The following IQCJ variants were observed in gnomAD, a reference collection of about 807,000 sequenced individuals.
The protein encoded by IQCJ is IQ motif containing J, also known as IQ domain-containing protein J.
A neutral mutation model predicts 11.0 loss-of-function variants in IQCJ; 9 were observed. That is an observed-to-expected ratio of 0.82 (90% CI 0.49 to 1.43). The LOEUF is 1.43. IQCJ is among the 40% of genes most tolerant of loss of function. The pLI is 0.00. For synonymous variants in IQCJ, 55 were observed against 51.3 expected (o/e 1.07, Z -0.31); for missense variants, 146 against 133.2 (o/e 1.10, Z -0.47).
chr3:159,196,047 T>C (rs899144636), intron 1 of IQCJ, among the ~76,000 whole-genome samples: 14 of 152,158 alleles, frequency 9.2e-5, no homozygotes, highest in African/African-American at 3.4e-4. Flanking sequence ...GTGTGGCAAA[T>C]AGTGATATAA....
intron 2 of IQCJ, among the ~76,000 whole-genome samples, chr3:159,247,544 A>G (rs1461875868): frequency 1.3e-5 from 2 of 152,198 alleles, no homozygotes; most frequent in Non-Finnish European, 2.9e-5. Flanking sequence ...GAGATGGGAA[A>G]ACCCAGCAAG....
At chr3:159,101,225 G>T (rs956313541) in intron 1 of IQCJ, among the ~76,000 whole-genome samples, 3 of 148,070 alleles carry the variant, frequency 2.0e-5, no homozygotes, top group South Asian at 2.2e-4. Context: ...CCCTGCTTCG[G>T]CTCGCGCACG....
At chr3:159,226,648 TG>T (rs1368230858) in intron 1 of IQCJ, among the ~76,000 whole-genome samples, 2 of 152,122 alleles carry the variant, frequency 1.3e-5, no homozygotes, top group African/African-American at 4.8e-5. Flanking sequence ...GTTTTAGAAA[TG>T]GGTAAGACTA....
At chr3:159,138,389 C>A (rs1179353945) in intron 1 of IQCJ, among the ~76,000 whole-genome samples, 1 of 152,114 alleles carries the variant, frequency 6.6e-6, no homozygotes, top group African/African-American at 2.4e-5. Flanking sequence ...CTTTTCATAG[C>A]TAAAAAAACC....
chr3:159,252,720 T>C lies in IQCJ; in HGVS notation c.75-7T>C. 6.2e-7 allele frequency: 1 copy of C among 1,610,332 alleles called. No individual in the cohort carries two copies. The highest frequency in any genetic ancestry group is 8.5e-7 in the Non-Finnish European group (1 of 1,178,130). On this transcript the variant is annotated splice_polypyrimidine_tract_variant and splice_region_variant and intron_variant, in intron 2 of 3. Transcript: ENST00000397832. The stretch of plus-strand genomic sequence containing the variant: ...GGGAGATATTGAGACATTATTTCTG[T>C]TTCTAGTCACCAGCTGGCCATGGAT...
chr3:159,101,556 G>A (rs1453216740), intron 1 of IQCJ, among the ~76,000 whole-genome samples: 3 of 152,176 alleles, frequency 2.0e-5, no homozygotes, highest in African/African-American at 4.8e-5. Context: ...TCATTATAAC[G>A]GCAACCTTCT....
chr3:159,107,033 C>T (rs1022790813), intron 1 of IQCJ, among the ~76,000 whole-genome samples: 5 of 152,144 alleles, frequency 3.3e-5, no homozygotes, highest in African/African-American at 1.2e-4. Context: ...CAAATTATGA[C>T]CCCTACTTTT....
intron 1 of IQCJ, among the ~76,000 whole-genome samples, chr3:159,093,707 C>T (rs567864571): frequency 4.6e-5 from 7 of 151,926 alleles, no homozygotes; most frequent in East Asian, 3.9e-4. Context: ...TGCATGGCTG[C>T]GGAGGCCTCA....
At chr3:159,203,060 G>A (rs1276425474) in intron 1 of IQCJ, among the ~76,000 whole-genome samples, 1 of 151,804 alleles carries the variant, frequency 6.6e-6, no homozygotes, top group Non-Finnish European at 1.5e-5. Context: ...AGTGGATCTA[G>A]CATTCTTGGA....
chr3:159,170,399 C>A (rs1226785411), intron 1 of IQCJ, among the ~76,000 whole-genome samples: 3 of 152,100 alleles, frequency 2.0e-5, no homozygotes, highest in African/African-American at 7.2e-5. Flanking sequence ...GCTAGAATAA[C>A]AATTTATGTA....
intron 1 of IQCJ, among the ~76,000 whole-genome samples, chr3:159,115,375 A>G (rs1338419714): frequency 6.6e-6 from 1 of 152,182 alleles, no homozygotes; most frequent in Non-Finnish European, 1.5e-5. Context: ...TACAAGTGGT[A>G]TATCTAATTT....
chr3:159,147,597 TTTTC>T (rs1264041591), intron 1 of IQCJ, among the ~76,000 whole-genome samples: 4 of 152,278 alleles, frequency 2.6e-5, no homozygotes, highest in East Asian at 3.9e-4. Flanking sequence ...AGACCAACAA[TTTTC>T]TTTCTTTCTG....
chr3:159,127,282 T>C (rs749225316), intron 1 of IQCJ, among the ~76,000 whole-genome samples: 1 of 152,002 alleles, frequency 6.6e-6, no homozygotes, highest in Non-Finnish European at 1.5e-5. Context: ...GCAGAGGGAG[T>C]TGGGGAGGCA....
chr3:159,171,821 A>AC (rs1722497808), intron 1 of IQCJ, among the ~76,000 whole-genome samples: 1 of 152,084 alleles, frequency 6.6e-6, no homozygotes, highest in Non-Finnish European at 1.5e-5. Context: ...TCTGGGCCCC[A>AC]ACCCCAGAGG....
intron 1 of IQCJ, among the ~76,000 whole-genome samples, chr3:159,209,625 G>A (rs1199204706): frequency 1.3e-5 from 2 of 152,182 alleles, no homozygotes; most frequent in Non-Finnish European, 2.9e-5. Context: ...GCAACCACTA[G>A]ACACTGCTGT....
chr3:159,145,763 A>G (rs562086998), intron 1 of IQCJ, among the ~76,000 whole-genome samples: 102 of 152,314 alleles, frequency 6.7e-4, no homozygotes, highest in African/African-American at 2.3e-3. Context: ...GATACATTCA[A>G]TGAATATTAC....
At chr3:159,118,680 C>A (rs1719172260) in intron 1 of IQCJ, among the ~76,000 whole-genome samples, 1 of 152,202 alleles carries the variant, frequency 6.6e-6, no homozygotes, top group African/African-American at 2.4e-5. Context: ...ACCCCGACCT[C>A]AGCTTCTGTG....
At chr3:159,257,343 C>G (rs1727951921) in intron 3 of IQCJ, among the ~76,000 whole-genome samples, 1 of 152,178 alleles carries the variant, frequency 6.6e-6, no homozygotes, top group South Asian at 2.1e-4. Context: ...ATTTCTGAAG[C>G]ACCTTCTCAG....
chr3:159,134,205 A>T (rs1258595214), intron 1 of IQCJ, among the ~76,000 whole-genome samples: 1 of 152,096 alleles, frequency 6.6e-6, no homozygotes, highest in Non-Finnish European at 1.5e-5. Flanking sequence ...AGATCACTTT[A>T]TCAAGTCAAC....
Sources: gnomAD v4.1 joint callset for allele counts (sites outside exome capture counted in the v4.1 genomes callset) on GRCh38, gnomAD v4.1.1 for gene constraint, MANE v1.5 for transcripts, NCBI Gene and HGNC (gene_info 2026-07-23, HGNC 2026-07-21) for gene names.